The following OPCML variants were observed in gnomAD, a reference collection of about 807,000 sequenced individuals.
The protein encoded by OPCML is opioid-binding protein/cell adhesion molecule.
A neutral mutation model predicts 37.8 loss-of-function variants in OPCML; 13 were observed. The ratio of observed to expected loss-of-function variants is 0.34; its 90% CI spans 0.22 to 0.55. The LOEUF (loss-of-function observed/expected upper bound fraction) is 0.55. OPCML is among the 20% of genes least tolerant of loss of function. The probability of loss-of-function intolerance (pLI) is 0.91; values close to 1 mark genes in which losing one functional copy is unlikely to be tolerated. For synonymous variants in OPCML, 176 were observed against 168.8 expected, an observed-to-expected ratio of 1.04 and a Z score of -0.33; for missense variants, 341 against 435.6, an observed-to-expected ratio of 0.78 and a Z score of 1.93.
chr11:132,518,101 T>G (rs1199710149), intron 4 of OPCML, among the ~76,000 whole-genome samples: 2 of 152,232 alleles, frequency 1.3e-5, no homozygotes, highest in African/African-American at 2.4e-5. Flanking sequence ...AGGATACATT[T>G]GCAGAACATG....
chr11:133,428,415 T>C (rs112851389), intron 1 of OPCML, among the ~76,000 whole-genome samples: 6,104 of 152,242 alleles, frequency 0.04, 144 homozygotes, highest in Non-Finnish European at 0.053. Flanking sequence ...GGGGATAGAA[T>C]TATCATTATG....
chr11:132,447,566 T>A (rs1051899622), intron 4 of OPCML, among the ~76,000 whole-genome samples: 3 of 151,996 alleles, frequency 2.0e-5, no homozygotes, highest in Non-Finnish European at 4.4e-5. Flanking sequence ...TGCCTTGGCC[T>A]CCCAAAGTGA....
intron 2 of OPCML, among the ~76,000 whole-genome samples, chr11:132,767,209 G>A (rs902371219): frequency 1.3e-5 from 2 of 152,170 alleles, no homozygotes; most frequent in African/African-American, 4.8e-5. Flanking sequence ...GTTTATATAT[G>A]TAGACTATTT....
intron 1 of OPCML, among the ~76,000 whole-genome samples, chr11:133,437,980 A>G (rs181230058): frequency 2.1e-4 from 32 of 152,290 alleles, no homozygotes; most frequent in Non-Finnish European, 4.1e-4. Context: ...GGAAAAAAAT[A>G]TATATAAGGA....
At chr11:132,976,270 G>T (rs763549052) in intron 1 of OPCML, among the ~76,000 whole-genome samples, 3 of 152,186 alleles carry the variant, frequency 2.0e-5, no homozygotes, top group African/African-American at 4.8e-5. Flanking sequence ...CTGGACCAGG[G>T]TGGAAAGCTG....
chr11:132,959,646 A>G (rs577411471), intron 1 of OPCML, among the ~76,000 whole-genome samples: 5 of 152,336 alleles, frequency 3.3e-5, no homozygotes, highest in Admixed American at 6.5e-5. Flanking sequence ...CTAGTGGTTC[A>G]CAGCGTTTCC....
chr11:132,735,058 C>T (rs1471643110), intron 2 of OPCML, among the ~76,000 whole-genome samples: 2 of 152,102 alleles, frequency 1.3e-5, no homozygotes. Flanking sequence ...CTAAGTTTTT[C>T]ATGCTTTTTA....
At chr11:133,500,319 G>C (rs1424386504) in intron 1 of OPCML, among the ~76,000 whole-genome samples, 1 of 152,186 alleles carries the variant, frequency 6.6e-6, no homozygotes, top group African/African-American at 2.4e-5. Flanking sequence ...CAGGTCAGTG[G>C]GGCTGTGTCT....
At position 133,230,017 on chromosome 11, in the gene OPCML, C is replaced by T. The variant is rs567504094; in HGVS notation, c.62-287007G>A. On this transcript the variant is annotated intron_variant, in intron 1 of 7. Coordinates refer to ENST00000524381, the MANE Select transcript of OPCML (RefSeq NM_001012393.5). The stretch of plus-strand genomic sequence containing the variant: ...CTCTATTAGATATTTCATAAAAATG[C>T]CCTACTTAGATTTTTATCCAGAAGC... 5.3e-5 allele frequency among the ~76,000 whole-genome samples: 8 copies of T among 152,034 alleles called. No homozygotes were observed. In the South Asian group the frequency reaches 6.2e-4, roughly 12 times the overall value.
intron 1 of OPCML, among the ~76,000 whole-genome samples, chr11:133,250,034 A>T (rs1941074685): frequency 6.6e-6 from 1 of 152,258 alleles, no homozygotes; most frequent in Non-Finnish European, 1.5e-5. Flanking sequence ...ACAATGAAGG[A>T]ACCAACCATG....
At chr11:132,655,563 C>T (rs533276484) in intron 3 of OPCML, among the ~76,000 whole-genome samples, 6 of 152,312 alleles carry the variant, frequency 3.9e-5, no homozygotes, top group South Asian at 2.1e-4. Flanking sequence ...AGATGTCTGT[C>T]GGATGGCGTG....
intron 1 of OPCML, among the ~76,000 whole-genome samples, chr11:133,271,230 C>T (rs556624274): frequency 6.6e-6 from 1 of 152,266 alleles, no homozygotes; most frequent in African/African-American, 2.4e-5. Flanking sequence ...GGGTAACATA[C>T]ATAAAGTATC....
intron 1 of OPCML, among the ~76,000 whole-genome samples, chr11:133,502,517 C>A (rs189831418): frequency 6.6e-6 from 1 of 152,300 alleles, no homozygotes; most frequent in Admixed American, 6.5e-5. Flanking sequence ...GGTGGAGGGA[C>A]GCTCTGAGTG....
At chr11:133,154,408 A>G (rs532748813) in intron 1 of OPCML, among the ~76,000 whole-genome samples, 1 of 152,142 alleles carries the variant, frequency 6.6e-6, no homozygotes, top group South Asian at 2.1e-4. Flanking sequence ...AGGTCGTTAG[A>G]ATTTTTTATT....
chr11:132,844,103 A>G (rs1372275454), intron 2 of OPCML, among the ~76,000 whole-genome samples: 1 of 152,200 alleles, frequency 6.6e-6, no homozygotes, highest in African/African-American at 2.4e-5. Flanking sequence ...GCCTGCTGCT[A>G]TTCATGATTC....
intron 4 of OPCML, among the ~76,000 whole-genome samples, chr11:132,479,330 G>C (rs552770527): frequency 2.0e-4 from 31 of 152,290 alleles, no homozygotes; most frequent in Admixed American, 9.1e-4. Flanking sequence ...CTTAAAAAAC[G>C]GATCACCAGG....
chr11:133,002,899 T>G (rs2136852087), intron 1 of OPCML, among the ~76,000 whole-genome samples: 1 of 152,290 alleles, frequency 6.6e-6, no homozygotes, highest in South Asian at 2.1e-4. Context: ...TTAGCACCAC[T>G]TGACCTCATT....
chr11:133,480,612 G>A (rs1179893749), intron 1 of OPCML, among the ~76,000 whole-genome samples: 1 of 152,158 alleles, frequency 6.6e-6, no homozygotes, highest in Non-Finnish European at 1.5e-5. Context: ...TTCTCTACCA[G>A]GTCTGGATTA....
At chr11:133,247,611 CTT>C (rs1339202662) in intron 1 of OPCML, among the ~76,000 whole-genome samples, 1 of 104,252 alleles carries the variant, frequency 9.6e-6, no homozygotes. Flanking sequence ...TTCTTTCTTT[CTT>C]TTTTTTTTGA....
Sources: gnomAD v4.1 joint callset for allele counts (sites outside exome capture counted in the v4.1 genomes callset) on GRCh38, gnomAD v4.1.1 for gene constraint, MANE v1.5 for transcripts, NCBI Gene and HGNC (gene_info 2026-07-23, HGNC 2026-07-21) for gene names.